SPATA16: variants seen among roughly 807,000 people sequenced by gnomAD.
SPATA16 encodes the protein spermatogenesis-associated protein 16.
SPATA16 carries 36 observed loss-of-function variants against 63.3 expected under a neutral mutation model. The ratio of observed to expected loss-of-function variants is 0.57; its 90% confidence interval spans 0.44 to 0.75. The LOEUF is 0.75. Among genes scored for constraint, SPATA16 ranks in the 30% least tolerant of loss-of-function variants. The pLI, the probability that SPATA16 is intolerant of heterozygous loss-of-function variation, is 0.00. For missense variants in SPATA16, 646 were observed against 679.3 expected (o/e 0.95, Z 0.54); for synonymous variants, 203 against 216.7 (o/e 0.94, Z 0.56).
At chr3:173,102,950 A>G (rs534202868) in intron 2 of SPATA16, among the ~76,000 whole-genome samples, 2 of 152,348 alleles carry the variant, frequency 1.3e-5, no homozygotes, top group African/African-American at 2.4e-5. Flanking sequence ...ACACTGGGTA[A>G]GTATCTCAAA....
chr3:173,049,604 C>T (rs536366752), intron 2 of SPATA16, among the ~76,000 whole-genome samples: 4 of 151,900 alleles, frequency 2.6e-5, no homozygotes, highest in Admixed American at 2.6e-4. Flanking sequence ...TTAACATGAT[C>T]GGTGATTAAT....
chr3:173,097,183 C>T (rs1737379183), intron 2 of SPATA16, among the ~76,000 whole-genome samples: 1 of 152,084 alleles, frequency 6.6e-6, no homozygotes, highest in African/African-American at 2.4e-5. Flanking sequence ...CTAGATGCCA[C>T]CCACACATAG....
At chr3:172,949,607 A>G (rs886465359) in intron 6 of SPATA16, among the ~76,000 whole-genome samples, 7 of 152,176 alleles carry the variant, frequency 4.6e-5, no homozygotes, top group Non-Finnish European at 1.0e-4. Flanking sequence ...ACATTATAAA[A>G]CATAAGTAAA....
chr3:173,019,407 T>G (rs1735266260), intron 4 of SPATA16, 79 bp downstream of exon 4: 5 of 1,196,024 alleles, frequency 4.2e-6, no homozygotes, highest in Non-Finnish European at 6.2e-6. Context: ...TGGAGAGTTC[T>G]GTTATGCTAT....
At chr3:173,135,114 G>T (rs1448659425) in intron 1 of SPATA16, among the ~76,000 whole-genome samples, 1 of 152,198 alleles carries the variant, frequency 6.6e-6, no homozygotes, top group African/African-American at 2.4e-5. Flanking sequence ...TGTGAAAGAA[G>T]ACAGAAGAAG....
chr3:172,966,372 C>T (rs986995999), intron 5 of SPATA16, among the ~76,000 whole-genome samples: 3 of 152,124 alleles, frequency 2.0e-5, no homozygotes, highest in Non-Finnish European at 4.4e-5. Context: ...TGATATTTTC[C>T]ATCCCTTTAT....
rs186717910 is a variant in SPATA16, at chr3:173,101,846, T to C, written c.612+15274A>G. Among the ~76,000 whole-genome samples the C allele has an allele frequency of 3.7e-3, 562 of 152,260 alleles. 5 individuals are homozygous for C. Among genetic ancestry groups the C allele is most frequent in the African/African-American group, 0.013 (526 of 41,544 alleles). ...CCTCCAACATCTGTCCTTTCATCTT[T>C]AGTCCCTGAACCACTATGCATTCTC... On this transcript the variant is annotated intron_variant, in intron 2 of 10. Transcript: ENST00000351008.
chr3:173,066,717 T>G (rs1736529241), intron 2 of SPATA16, among the ~76,000 whole-genome samples: 1 of 152,136 alleles, frequency 6.6e-6, no homozygotes, highest in African/African-American at 2.4e-5. Flanking sequence ...AAGCCCATAC[T>G]ACAGAGACTA....
intron 3 of SPATA16, among the ~76,000 whole-genome samples, chr3:173,036,447 T>C (rs1380617508): frequency 6.6e-6 from 1 of 152,024 alleles, no homozygotes; most frequent in African/African-American, 2.4e-5. Flanking sequence ...GTGTCAACAT[T>C]CAGAAATCTG....
At chr3:173,051,949 C>G (rs1736109998) in intron 2 of SPATA16, among the ~76,000 whole-genome samples, 1 of 151,936 alleles carries the variant, frequency 6.6e-6, no homozygotes, top group Admixed American at 6.6e-5. Context: ...GTAACTAGGA[C>G]TACAGGCATG....
Position 172,970,945 on chromosome 3 carries a change from T to C in SPATA16, c.933+6023A>G, listed in dbSNP as rs371698098. Among the ~76,000 whole-genome samples the C allele has an allele frequency of 1.1e-4, 17 of 152,324 alleles. 3 individuals carry two copies. The highest frequency in any genetic ancestry group is 3.3e-4 in the Admixed American group (5 of 15,298). On this transcript the variant is annotated intron_variant, in intron 5 of 10. Coordinates refer to ENST00000351008, the MANE Select transcript of SPATA16 (RefSeq NM_031955.6). Reference sequence around the variant, plus strand: ...GTAATGAGTAATATTGGAATGATTTTGCACTATCAAGAAGAAAAACAAAGA... The same window carrying C: ...GTAATGAGTAATATTGGAATGATTTCGCACTATCAAGAAGAAAAACAAAGA...
At chr3:173,076,320 GGTCTAGGAAGAATGTA>G (rs1449310565) in intron 2 of SPATA16, among the ~76,000 whole-genome samples, 1 of 152,040 alleles carries the variant, frequency 6.6e-6, no homozygotes, top group Admixed American at 6.6e-5. Context: ...TATACTTCTA[GGTCTAGGAAGAATGTA>G]GTTCTGAGCT....
At chr3:173,115,728 G>T (rs1371399431) in intron 2 of SPATA16, among the ~76,000 whole-genome samples, 1 of 152,054 alleles carries the variant, frequency 6.6e-6, no homozygotes, top group Non-Finnish European at 1.5e-5. Flanking sequence ...CCATTGTCTG[G>T]TATCATCTAT....
At chr3:173,073,374 C>T (rs1354710127) in intron 2 of SPATA16, among the ~76,000 whole-genome samples, 1 of 152,230 alleles carries the variant, frequency 6.6e-6, no homozygotes, top group Non-Finnish European at 1.5e-5. Context: ...TCATGGCAGC[C>T]TCTCCCATCA....
intron 10 of SPATA16, among the ~76,000 whole-genome samples, chr3:172,912,140 T>C (rs535330441): frequency 1.1e-4 from 17 of 152,370 alleles, no homozygotes; most frequent in African/African-American, 3.8e-4. Flanking sequence ...GTGGTCCCTC[T>C]GTTTAGAAAT....
At chr3:172,920,270 G>C (rs921828051) in intron 8 of SPATA16, among the ~76,000 whole-genome samples, 12 of 152,168 alleles carry the variant, frequency 7.9e-5, no homozygotes, top group African/African-American at 2.9e-4. Flanking sequence ...GAATGTGAGG[G>C]AAAAATGCTT....
rs1462960566 is a variant in SPATA16, at chr3:173,048,938, T to C, written c.758+11A>G. The C allele has an allele frequency of 6.2e-7, 1 of 1,613,584 alleles. No homozygotes were observed. Among genetic ancestry groups the C allele is most frequent in the East Asian group, 2.2e-5 (1 of 44,856 alleles). ...CAGCATTTACTTGCACTTATTAGTATATGATTTTACCTGTGTGCATGATTC... is the reference window on the plus strand; with the variant it reads ...CAGCATTTACTTGCACTTATTAGTACATGATTTTACCTGTGTGCATGATTC... On this transcript the variant is annotated intron_variant, in intron 3 of 10. Coordinates refer to ENST00000351008, the MANE Select transcript of SPATA16 (RefSeq NM_031955.6).
chr3:172,973,619 G>A (rs1734093061), intron 5 of SPATA16, among the ~76,000 whole-genome samples: 2 of 152,176 alleles, frequency 1.3e-5, no homozygotes, highest in African/African-American at 4.8e-5. Flanking sequence ...GTGGAAGATG[G>A]AGGAAGCTTG....
intron 10 of SPATA16, among the ~76,000 whole-genome samples, chr3:172,894,380 C>G (rs1731960481): frequency 1.3e-5 from 2 of 151,658 alleles, no homozygotes; most frequent in Admixed American, 6.6e-5. Context: ...AGACAAGCCC[C>G]TAAGTTTTTT....
Sources: gnomAD v4.1 joint callset for allele counts (sites outside exome capture counted in the v4.1 genomes callset) on GRCh38, gnomAD v4.1.1 for gene constraint, MANE v1.5 for transcripts, NCBI Gene and HGNC (gene_info 2026-07-23, HGNC 2026-07-21) for gene names.